The following FGFR1 variants were observed in gnomAD, a reference collection of about 807,000 sequenced individuals.
FGFR1 encodes fibroblast growth factor receptor 1, also known as FGFR1/PLAG1 fusion.
In FGFR1, 18 loss-of-function variants were observed where a neutral mutation model predicts 93.7. The observed-to-expected ratio is 0.19, with a 90% CI of 0.13 to 0.28. The LOEUF (loss-of-function observed/expected upper bound fraction) is 0.28. Ranked by LOEUF, FGFR1 falls within the 10% of genes least tolerant of loss-of-function variation. The pLI, the probability that FGFR1 is intolerant of heterozygous loss-of-function variation, is 1.00. For missense variants in FGFR1, 731 were observed against 1,080.4 expected, an observed-to-expected ratio of 0.68 and a Z score of 4.53; for synonymous variants, 448 against 429.3, an observed-to-expected ratio of 1.04 and a Z score of -0.54.
At chr8:38,453,334 C>G (rs942012274) in intron 2 of FGFR1, among the ~76,000 whole-genome samples, 1 of 152,220 alleles carries the variant, frequency 6.6e-6, no homozygotes, top group Non-Finnish European at 1.5e-5. Flanking sequence ...CCCACAACGG[C>G]CATTGACTGC....
At chr8:38,418,416 C>T (rs17182394) in intron 9 of FGFR1, 43 bp from the exon 10 acceptor site, 53 of 1,595,142 alleles carry the variant, frequency 3.3e-5, no homozygotes, top group Admixed American at 1.1e-4. Flanking sequence ...GGAGGGGGGA[C>T]GGGGTGACTC....
intron 1 of FGFR1, among the ~76,000 whole-genome samples, chr8:38,457,742 TTGGGAGGCTGA>T (rs1329031730): frequency 1.1e-4 from 16 of 152,088 alleles, no homozygotes; most frequent in African/African-American, 3.9e-4. Flanking sequence ...TCCCAGCACT[TTGGGAGGCTGA>T]GGCGGGAGGA....
intron 1 of FGFR1, among the ~76,000 whole-genome samples, chr8:38,462,521 T>C (rs975768132): frequency 6.6e-6 from 1 of 152,164 alleles, no homozygotes; most frequent in Non-Finnish European, 1.5e-5. Flanking sequence ...AAATTTTTTT[T>C]ACCTATTTCT....
intron 2 of FGFR1, chr8:38,434,651 G>C (rs186256824): frequency 5.2e-6 from 1 of 192,284 alleles, no homozygotes; most frequent in Non-Finnish European, 1.1e-5. Context: ...ACCTTCTCCA[G>C]GGATTTTACG....
At chr8:38,416,179 C>T in intron 12 of FGFR1, 119 bp from the exon 13 acceptor site, 2 of 807,608 alleles carry the variant, frequency 2.5e-6, no homozygotes, top group Non-Finnish European at 4.1e-6. Context: ...CCTGCCTCCT[C>T]TTAGGGGACC....
At chr8:38,433,983 A>G (rs1160179001) in intron 2 of FGFR1, among the ~76,000 whole-genome samples, 1 of 152,188 alleles carries the variant, frequency 6.6e-6, no homozygotes, top group Non-Finnish European at 1.5e-5. Context: ...GGATTTGGCT[A>G]TTCTAGATAT....
At chr8:38,419,821 T>TGTCC (rs1334306344) in intron 8 of FGFR1, 86 bp from the exon 9 acceptor site, 1 of 1,177,754 alleles carries the variant, frequency 8.5e-7, no homozygotes. Context: ...AACACCTGTC[T>TGTCC]CCTGTCCCCT....
rs753055493 is a variant in FGFR1 at position 38,418,329 on chromosome 8, C to A, written c.1329G>T (p.Leu443=). 1.2e-6 allele frequency: 2 copies of A among 1,614,198 alleles called. No homozygotes were observed. Among genetic ancestry groups the A allele is most frequent in the Non-Finnish European group, 1.7e-6 (2 of 1,180,038 alleles). The change falls in exon 10 of 18, where the codon CTG becomes CTT. Residue 443 remains leucine (L), a synonymous_variant. Transcript: ENST00000447712. ...TGGAGGAGAGCCGTGATGGCCGAAC[C>A]AGAAGAACCCCAGAGTTCATGGATG... The part of the protein sequence containing the change: ...SSASMNSGVL[L]VRPSRLSSSG...
chr8:38,462,640 G>A (rs1327998923), intron 1 of FGFR1, among the ~76,000 whole-genome samples: 1 of 151,546 alleles, frequency 6.6e-6, no homozygotes, highest in Non-Finnish European at 1.5e-5. Flanking sequence ...TTGAGATGGA[G>A]TCTTGCTCTG....
Position 38,466,269 on chromosome 8 carries a change from A to C in FGFR1, c.-89+1712T>G, listed in dbSNP as rs1267201599. On this transcript the variant is annotated intron_variant, in intron 1 of 17. Transcript: ENST00000447712. ...GGGCTTGCTCCGGGAGGGGCGCGTG[A>C]CGCCACCGCGGGGCAGCCGAGAGGG... is the stretch of plus-strand genomic sequence containing the variant. 9 of 232,454 alleles carry C rather than the reference A, an allele frequency of 3.9e-5. No individual in the cohort carries two copies. In the South Asian group the frequency reaches 1.4e-3, roughly 37 times the overall value. The allele number at this position is 232,454 out of a possible 1,614,324, so 14.4% of individuals were successfully genotyped here. A position where few individuals can be genotyped will look rare whatever the true frequency, so the allele number is the denominator to read the frequency against.
intron 3 of FGFR1, 83 bp from the exon 4 acceptor site, chr8:38,428,518 G>A (rs888083697): frequency 3.8e-6 from 4 of 1,057,704 alleles, no homozygotes; most frequent in Non-Finnish European, 5.7e-6. Flanking sequence ...AGATGAACAC[G>A]GACACCCTCC....
intron 2 of FGFR1, 88 bp downstream of exon 2, chr8:38,457,268 C>T (rs2151336246): frequency 1.4e-6 from 2 of 1,446,526 alleles, no homozygotes; most frequent in Non-Finnish European, 9.5e-7. Flanking sequence ...CCCTGTTGAC[C>T]ACATCACCTG....
Position 38,413,222 on chromosome 8 carries a change from C to T in FGFR1, c.*406G>A, listed in dbSNP as rs562548597. The T allele has an allele frequency of 5.4e-5, 16 of 297,828 alleles. No homozygotes were observed. Among genetic ancestry groups the T allele is most frequent in the Non-Finnish European group, 8.2e-5 (13 of 158,036 alleles). 18.4% of individuals were successfully genotyped at this position (297,828 alleles called of 1,614,324 possible). A position where few individuals can be genotyped will look rare whatever the true frequency, so the allele number is the denominator to read the frequency against. On this transcript the variant is annotated 3_prime_UTR_variant, in exon 18 of 18. Coordinates refer to ENST00000447712, the MANE Select transcript of FGFR1 (RefSeq NM_023110.3). The surrounding 1 kb of genome is among the most constrained non-coding windows in gnomAD (Gnocchi z 4.2). ...TGCTGTAGCCCTGAGGACAAGGCAC[C>T]TGCCACCAGAGTGCGAGGGGCTTAT... is the stretch of plus-strand genomic sequence containing the variant.
chr8:38,438,156 T>C (rs923132812), intron 2 of FGFR1, among the ~76,000 whole-genome samples: 22 of 152,326 alleles, frequency 1.4e-4, no homozygotes, highest in Middle Eastern at 6.8e-3. Flanking sequence ...CTACTATGAT[T>C]TCTATCCTAT....
intron 2 of FGFR1, among the ~76,000 whole-genome samples, chr8:38,447,336 A>G (rs1014258100): frequency 1.3e-5 from 2 of 151,980 alleles, no homozygotes; most frequent in African/African-American, 4.8e-5. Context: ...TCCTAGTTCC[A>G]CCCCTCACCC....
intron 2 of FGFR1, among the ~76,000 whole-genome samples, chr8:38,455,759 A>G (rs1366961073): frequency 6.6e-6 from 1 of 151,750 alleles, no homozygotes; most frequent in Non-Finnish European, 1.5e-5. Context: ...AGGGCCCTTC[A>G]TTTTTCCCCT....
At position 38,432,009 on chromosome 8, in the gene FGFR1, T is replaced by C. The variant is rs1050716526; in HGVS notation, c.92-2061A>G. Among the ~76,000 whole-genome samples the C allele has an allele frequency of 2.0e-5, 3 of 152,182 alleles. No individual in the cohort carries two copies. In the East Asian group the frequency reaches 5.8e-4, roughly 29 times the overall value. On this transcript the variant is annotated intron_variant, in intron 2 of 17. Transcript: ENST00000447712. ...CTCAAATGACCTCGGTGATTAAATA[T>C]TTTGCAGCTTGTGATCTGTGCAACC...
intron 9 of FGFR1, among the ~76,000 whole-genome samples, chr8:38,419,200 T>C (rs1817823905): frequency 6.6e-6 from 1 of 152,212 alleles, no homozygotes; most frequent in African/African-American, 2.4e-5. Context: ...AGTTCTCTTC[T>C]CTACCCTGCA....
chr8:38,446,335 C>T (rs1297474826), intron 2 of FGFR1, among the ~76,000 whole-genome samples: 4 of 151,892 alleles, frequency 2.6e-5, no homozygotes, highest in Non-Finnish European at 5.9e-5. Context: ...CTCAGCCTCC[C>T]GAGTACTTGG....
Sources: gnomAD v4.1 joint callset for allele counts (sites outside exome capture counted in the v4.1 genomes callset) on GRCh38, gnomAD v4.1.1 for gene constraint, Gnocchi (gnomAD v3.1) non-coding constraint, MANE v1.5 for transcripts, NCBI Gene and HGNC (gene_info 2026-07-23, HGNC 2026-07-21) for gene names.